SYT16: variants seen among roughly 807,000 people sequenced by gnomAD.
The protein encoded by SYT16 is synaptotagmin 16.
A neutral mutation model predicts 61.4 loss-of-function variants in SYT16; 42 were observed. That is an observed-to-expected ratio of 0.68 (90% CI 0.53 to 0.89). The LOEUF is 0.89. Among genes scored for constraint, SYT16 ranks in the 40% least tolerant of loss-of-function variants. SYT16 has a pLI of 0.00. For synonymous variants in SYT16, 314 were observed against 302.3 expected (o/e 1.04, Z -0.40); for missense variants, 804 against 807.3 (o/e 1.00, Z 0.05).
At chr14:61,942,023 T>C (rs1369070927) in intron 1 of SYT16, among the ~76,000 whole-genome samples, 13 of 152,250 alleles carry the variant, frequency 8.5e-5, no homozygotes, top group African/African-American at 7.2e-5. Flanking sequence ...GTTCAGAAAT[T>C]GGCAGAATAT....
At chr14:61,826,501 G>A (rs2045776264) in intron 1 of SYT16, among the ~76,000 whole-genome samples, 1 of 152,014 alleles carries the variant, frequency 6.6e-6, no homozygotes, top group Non-Finnish European at 1.5e-5. Flanking sequence ...CTCCCTGAAA[G>A]TGCTCCTGGG....
At chr14:61,815,474 C>T (rs2045399144) in intron 1 of SYT16, among the ~76,000 whole-genome samples, 1 of 152,166 alleles carries the variant, frequency 6.6e-6, no homozygotes, top group African/African-American at 2.4e-5. Flanking sequence ...TATTCTATTC[C>T]AGTCATTTCT....
intron 1 of SYT16, among the ~76,000 whole-genome samples, chr14:61,846,122 G>A (rs1429697863): frequency 1.3e-5 from 2 of 152,156 alleles, no homozygotes; most frequent in African/African-American, 4.8e-5. Flanking sequence ...TGTGTATTCT[G>A]CAGCTGTTGG....
chr14:61,995,208 T>C (rs1229283080), intron 2 of SYT16, among the ~76,000 whole-genome samples: 1 of 152,042 alleles, frequency 6.6e-6, no homozygotes, highest in East Asian at 1.9e-4. Flanking sequence ...TGGGATGAAG[T>C]GTGATTTAGG....
At position 62,069,732 on chromosome 14, in the gene SYT16, A is replaced by C; in HGVS notation, c.653A>C (p.Gln218Pro). 1 of 1,614,038 alleles carries C rather than the reference A, an allele frequency of 6.2e-7. No homozygotes were observed. The highest frequency in any genetic ancestry group is 1.3e-5 in the African/African-American group (1 of 75,048). The change falls in exon 4 of 8, where the codon CAG becomes CCG. Residue 218 changes from glutamine to proline, a missense_variant. Physicochemically the swap from Gln to Pro is moderately conservative, Grantham distance 76 (BLOSUM62 -1). Coordinates refer to ENST00000683842, the MANE Select transcript of SYT16 (RefSeq NM_001367656.1). ...TCAGTGACATCTGAGAAAGGAAAGCAGACAGGATTGGAGCAGAAACCAAAA... is the reference window on the plus strand; with the variant it reads ...TCAGTGACATCTGAGAAAGGAAAGCCGACAGGATTGGAGCAGAAACCAAAA... Reference protein sequence around the residue: ...FRSVTSEKGKQTGLEQKPKFS... With the variant: ...FRSVTSEKGKPTGLEQKPKFS...
chr14:61,936,669 TG>T (rs965722228), intron 1 of SYT16, among the ~76,000 whole-genome samples: 11 of 152,356 alleles, frequency 7.2e-5, no homozygotes, highest in Admixed American at 7.2e-4. Flanking sequence ...ACTTTCTCTC[TG>T]CTCCCTGTGC....
intron 3 of SYT16, among the ~76,000 whole-genome samples, chr14:62,056,061 T>TC (rs567527412): frequency 1.1e-3 from 161 of 152,238 alleles, no homozygotes; most frequent in African/African-American, 3.6e-3. Context: ...CCCTGCTTTT[T>TC]TTTTTTTTGC....
intron 3 of SYT16, among the ~76,000 whole-genome samples, chr14:62,026,585 T>C (rs2054112339): frequency 6.6e-6 from 1 of 152,310 alleles, no homozygotes; most frequent in Non-Finnish European, 1.5e-5. Flanking sequence ...ACTACCACTT[T>C]GGCAACACCT....
At chr14:61,947,514 C>T (rs2050495290) in intron 1 of SYT16, among the ~76,000 whole-genome samples, 1 of 152,118 alleles carries the variant, frequency 6.6e-6, no homozygotes, top group Non-Finnish European at 1.5e-5. Context: ...GATTAATTTT[C>T]TTGAGGAATC....
chr14:62,015,949 A>G (rs2053656328), intron 3 of SYT16, among the ~76,000 whole-genome samples: 1 of 152,190 alleles, frequency 6.6e-6, no homozygotes. Flanking sequence ...TTTCTTTGAG[A>G]TATAAGGCAA....
At chr14:62,018,819 C>T (rs771405957) in intron 3 of SYT16, among the ~76,000 whole-genome samples, 1 of 152,100 alleles carries the variant, frequency 6.6e-6, no homozygotes, top group Non-Finnish European at 1.5e-5. Flanking sequence ...CTTTCCATGC[C>T]TTATGTTTCA....
In SYT16 at chr14:62,045,721, C is replaced by A. The variant is rs796363466; in HGVS notation, c.524-23882C>A. 6.6e-5 allele frequency among the ~76,000 whole-genome samples: 10 copies of A among 152,092 alleles called. No individual in the cohort carries two copies. In the South Asian group the frequency reaches 2.1e-3, roughly 32 times the overall value. ...TGCGGTGTTTGGTTTTTTGTCCTTG[C>A]AATAGTTTGCTGAGAATGATGGTTT... On this transcript the variant is annotated intron_variant, in intron 3 of 7. Coordinates refer to ENST00000683842, the MANE Select transcript of SYT16 (RefSeq NM_001367656.1).
At chr14:61,928,427 A>G (rs987876630) in intron 1 of SYT16, among the ~76,000 whole-genome samples, 3 of 152,146 alleles carry the variant, frequency 2.0e-5, no homozygotes, top group African/African-American at 7.2e-5. Flanking sequence ...CATAGTCTTG[A>G]CCTTGGCATA....
intron 1 of SYT16, among the ~76,000 whole-genome samples, chr14:61,871,734 A>C (rs947272662): frequency 1.3e-5 from 2 of 152,188 alleles, no homozygotes; most frequent in Admixed American, 1.3e-4. Context: ...TTTTCACATG[A>C]AATTACAATA....
chr14:62,078,155 C>CTATATATATATATATATATATA (rs374965535), intron 5 of SYT16, among the ~76,000 whole-genome samples: 3 of 136,006 alleles, frequency 2.2e-5, no homozygotes, highest in African/African-American at 8.6e-5. Flanking sequence ...CTCTCTCTCT[C>CTATATATATATATATATATATA]TATATATATA....
chr14:62,004,235 G>GGAGAGACA (rs920821825), intron 3 of SYT16, among the ~76,000 whole-genome samples: 1 of 152,088 alleles, frequency 6.6e-6, no homozygotes, highest in Non-Finnish European at 1.5e-5. Flanking sequence ...CATGGCAACA[G>GGAGAGACA]GAGAGACAGA....
At chr14:61,858,374 TA>T (rs948138639) in intron 1 of SYT16, among the ~76,000 whole-genome samples, 2 of 152,016 alleles carry the variant, frequency 1.3e-5, no homozygotes, top group African/African-American at 4.8e-5. Flanking sequence ...AAGGAGATTA[TA>T]AAAAAATGGA....
chr14:61,848,055 G>A (rs1410271259), intron 1 of SYT16, among the ~76,000 whole-genome samples: 6 of 152,198 alleles, frequency 3.9e-5, no homozygotes, highest in African/African-American at 1.4e-4. Flanking sequence ...ATTGACCCCT[G>A]AGGGCTTATT....
At chr14:61,942,561 G>A (rs2050250059) in intron 1 of SYT16, among the ~76,000 whole-genome samples, 1 of 152,162 alleles carries the variant, frequency 6.6e-6, no homozygotes, top group South Asian at 2.1e-4. Flanking sequence ...GACTCACAGT[G>A]GGATTCTGAA....
Sources: allele counts gnomAD v4.1 joint callset (sites outside exome capture counted in the v4.1 genomes callset), GRCh38; gene constraint gnomAD v4.1.1; transcripts MANE v1.5; gene names NCBI Gene and HGNC (gene_info 2026-07-23, HGNC 2026-07-21).